The following SH3RF2 variants were observed in gnomAD, a reference collection of about 807,000 sequenced individuals.
SH3RF2 encodes E3 ubiquitin-protein ligase SH3RF2.
In SH3RF2, 43 loss-of-function variants were observed where a neutral mutation model predicts 59.0. The ratio of observed to expected loss-of-function variants is 0.73; its 90% CI spans 0.57 to 0.94. The LOEUF (loss-of-function observed/expected upper bound fraction) is 0.94. Among genes scored for constraint, SH3RF2 ranks in the 40% least tolerant of loss-of-function variants. The pLI is 0.00. For missense variants in SH3RF2, 930 were observed against 940.1 expected, an observed-to-expected ratio of 0.99 and a Z score of 0.14; for synonymous variants, 391 against 391.5, an observed-to-expected ratio of 1.00 and a Z score of 0.01.
At chr5:145,937,234 G>T (rs1188294412) in intron 1 of SH3RF2, 1 of 152,046 alleles carries the variant, frequency 6.6e-6, no homozygotes, top group African/African-American at 2.4e-5. Context: ...CTGTGGTTAA[G>T]GCAAAACAAT....
intron 2 of SH3RF2, among the ~76,000 whole-genome samples, chr5:145,945,145 C>T (rs552264849): frequency 6.6e-6 from 1 of 152,108 alleles, no homozygotes; most frequent in Non-Finnish European, 1.5e-5. Flanking sequence ...AGTTATAGTT[C>T]TTAGAGGGAA....
chr5:145,953,275 A>T (rs1758263203), intron 2 of SH3RF2, among the ~76,000 whole-genome samples: 1 of 152,212 alleles, frequency 6.6e-6, no homozygotes, highest in Non-Finnish European at 1.5e-5. Flanking sequence ...TCTCTAAGGG[A>T]GGCATTTATG....
At chr5:146,010,654 T>A (rs748575969) in intron 4 of SH3RF2, among the ~76,000 whole-genome samples, 1 of 152,244 alleles carries the variant, frequency 6.6e-6, no homozygotes, top group Admixed American at 6.5e-5. Context: ...TTTTCATGTG[T>A]CTTTTTGCTG....
At chr5:145,978,510 T>C (rs1374569396) in intron 2 of SH3RF2, among the ~76,000 whole-genome samples, 2 of 152,180 alleles carry the variant, frequency 1.3e-5, no homozygotes, top group Non-Finnish European at 2.9e-5. Flanking sequence ...AAAAATGAAA[T>C]ACTTAAGTTA....
intron 2 of SH3RF2, among the ~76,000 whole-genome samples, chr5:145,990,716 G>A (rs1759901458): frequency 6.6e-6 from 1 of 152,204 alleles, no homozygotes; most frequent in African/African-American, 2.4e-5. Context: ...AAAGCATAGA[G>A]TCTTGAGCTT....
chr5:146,073,885 G>A (rs1339245754), intron 9 of SH3RF2, among the ~76,000 whole-genome samples: 4 of 152,076 alleles, frequency 2.6e-5, no homozygotes. Flanking sequence ...TACGTAGGGT[G>A]GCCAGGGAAG....
At chr5:145,971,098 T>A (rs1263801278) in intron 2 of SH3RF2, among the ~76,000 whole-genome samples, 1 of 152,178 alleles carries the variant, frequency 6.6e-6, no homozygotes, top group African/African-American at 2.4e-5. Context: ...GGCTCCACTT[T>A]ACCCTGCAAG....
intron 8 of SH3RF2, among the ~76,000 whole-genome samples, chr5:146,056,644 G>A (rs1188535671): frequency 6.6e-6 from 1 of 152,208 alleles, no homozygotes; most frequent in East Asian, 1.9e-4. Context: ...TAAGGAGGCA[G>A]TGATCAGAGC....
At chr5:146,047,512 G>A (rs1042605160) in intron 5 of SH3RF2, among the ~76,000 whole-genome samples, 73 of 152,000 alleles carry the variant, frequency 4.8e-4, no homozygotes, top group African/African-American at 1.9e-4. Context: ...TAAATTGGAC[G>A]GCTCTTCATC....
chr5:145,981,489 G>A (rs185797546), intron 2 of SH3RF2, among the ~76,000 whole-genome samples: 1 of 152,254 alleles, frequency 6.6e-6, no homozygotes, highest in African/African-American at 2.4e-5. Context: ...AATCTCTTAA[G>A]CTCTAGGTTC....
At chr5:146,000,386 A>C in intron 3 of SH3RF2, 59 bp downstream of exon 3, 1 of 1,473,478 alleles carries the variant, frequency 6.8e-7, no homozygotes, top group Non-Finnish European at 9.0e-7. Context: ...ATAGCAGAAC[A>C]GAGTTCCTTG....
chr5:145,953,323 GT>G (rs1758264948), intron 2 of SH3RF2, among the ~76,000 whole-genome samples: 1 of 152,184 alleles, frequency 6.6e-6, no homozygotes, highest in Admixed American at 6.5e-5. Flanking sequence ...AGGGAAGTGG[GT>G]TCCAATGAGG....
At position 146,048,946 on chromosome 5, in the gene SH3RF2, C is replaced by T. The variant is rs534878026; in HGVS notation, c.1152-129C>T. The T allele has an allele frequency of 1.5e-5, 16 of 1,079,304 alleles. No homozygotes were observed. The East Asian group carries it at 1.5e-4, about 10-fold the overall frequency. The allele number at this position is 1,079,304 out of a possible 1,614,324, so 66.9% of individuals were successfully genotyped here. ...TGCTGGGATTAGAGGTGAGAACCAC[C>T]GCACCCGCTCGACCAAGAAGGTTCT... On this transcript the variant is annotated intron_variant, in intron 6 of 9. Transcript: ENST00000359120.
intron 5 of SH3RF2, among the ~76,000 whole-genome samples, chr5:146,019,492 A>T (rs2149996751): frequency 6.6e-6 from 1 of 152,290 alleles, no homozygotes; most frequent in South Asian, 2.1e-4. Context: ...TACCAGTACC[A>T]TGCTATTGTG....
Position 146,000,281 on chromosome 5 carries a change from G to C in SH3RF2, c.602G>C (p.Arg201Pro), listed in dbSNP as rs35453884. 1.9e-6 allele frequency: 3 copies of C among 1,613,656 alleles called. No homozygotes were observed. The highest frequency in any genetic ancestry group is 1.1e-5 in the South Asian group (1 of 91,012). Reference protein sequence around the residue: ...LCRALYNFDLRGKDKSENQDC... With the variant: ...LCRALYNFDLPGKDKSENQDC... ...AGGGCCCTCTACAACTTCGACCTACGAGGCAAGGACAAGAGTGAGAACCAG... is the reference window on the plus strand; with the variant it reads ...AGGGCCCTCTACAACTTCGACCTACCAGGCAAGGACAAGAGTGAGAACCAG... The change falls in exon 3 of 10, where the codon CGA becomes CCA. Residue 201 changes from arginine (R) to proline (P), a missense_variant. Transcript: ENST00000359120.
chr5:145,951,837 T>C (rs1758205027), intron 2 of SH3RF2, among the ~76,000 whole-genome samples: 1 of 152,206 alleles, frequency 6.6e-6, no homozygotes, highest in African/African-American at 2.4e-5. Flanking sequence ...GTTCTCCTAT[T>C]GAACTGGTTT....
intron 5 of SH3RF2, among the ~76,000 whole-genome samples, chr5:146,040,222 G>A (rs886311186): frequency 1.3e-5 from 2 of 152,174 alleles, no homozygotes; most frequent in Admixed American, 6.5e-5. Flanking sequence ...CTTAAGTTGG[G>A]TGGTATGTAT....
chr5:145,958,827 T>G lies in SH3RF2; in HGVS notation c.378+20521T>G, dbSNP rs369927486. Among the ~76,000 whole-genome samples, 26 of 152,302 alleles carry G rather than the reference T, an allele frequency of 1.7e-4. No homozygotes were observed. The South Asian group carries it at 5.4e-3, about 32-fold the overall frequency. On this transcript the variant is annotated intron_variant, in intron 2 of 9. Transcript: ENST00000359120. ...TGGGTCAGAAGCCTCCACACCAGGC[T>G]GCAGCATAAAGAATTCCATTGGAAA...
chr5:145,954,625 C>G (rs1006227682), intron 2 of SH3RF2, among the ~76,000 whole-genome samples: 1 of 152,134 alleles, frequency 6.6e-6, no homozygotes, highest in East Asian at 1.9e-4. Flanking sequence ...GAAATCTTTG[C>G]CCGTTCCTAT....
Sources: allele counts gnomAD v4.1 joint callset (sites outside exome capture counted in the v4.1 genomes callset), GRCh38; gene constraint gnomAD v4.1.1; transcripts MANE v1.5; gene names NCBI Gene and HGNC (gene_info 2026-07-23, HGNC 2026-07-21).